PDE1C: variants seen among roughly 807,000 people sequenced by gnomAD.
PDE1C encodes the protein phosphodiesterase 1C.
A neutral mutation model predicts 93.1 loss-of-function variants in PDE1C; 62 were observed. The observed-to-expected ratio is 0.67, with a 90% CI of 0.54 to 0.82. The LOEUF (loss-of-function observed/expected upper bound fraction) is 0.82. PDE1C is among the 40% of genes least tolerant of loss of function. PDE1C has a pLI of 0.00. For missense variants in PDE1C, 742 were observed against 884.6 expected, an observed-to-expected ratio of 0.84 and a Z score of 2.04; for synonymous variants, 325 against 310.1, an observed-to-expected ratio of 1.05 and a Z score of -0.50.
intron 2 of PDE1C, among the ~76,000 whole-genome samples, chr7:32,205,041 A>G (rs1338194200): frequency 6.6e-6 from 1 of 152,232 alleles, no homozygotes; most frequent in Non-Finnish European, 1.5e-5. Context: ...CTGAAAACTC[A>G]AGGTAATAAC....
chr7:32,247,949 G>A (rs778405444), intron 1 of PDE1C, among the ~76,000 whole-genome samples: 6 of 152,098 alleles, frequency 3.9e-5, no homozygotes, highest in Non-Finnish European at 8.8e-5. Flanking sequence ...GGGCCTCCAG[G>A]GAGGCATAGC....
intron 1 of PDE1C, among the ~76,000 whole-genome samples, chr7:32,381,534 C>A (rs1438993198): frequency 6.6e-6 from 1 of 152,156 alleles, no homozygotes; most frequent in African/African-American, 2.4e-5. Context: ...GCACCCTGGC[C>A]TCCTTACTGC....
rs199561481 is a variant in PDE1C at position 31,886,777 on chromosome 7, T to C, written c.129-5917A>G. 6.1e-3 allele frequency among the ~76,000 whole-genome samples: 840 copies of C among 138,574 alleles called. 12 individuals carry two copies. Among genetic ancestry groups the C allele is most frequent in the Admixed American group, 0.022 (300 of 13,386 alleles). The allele number at this position is 138,574 out of a possible 152,430, so 90.9% of individuals were successfully genotyped here. A position where few individuals can be genotyped will look rare whatever the true frequency, so the allele number is the denominator to read the frequency against. On this transcript the variant is annotated intron_variant, in intron 2 of 17. Coordinates refer to ENST00000396191, the MANE Select transcript of PDE1C (RefSeq NM_001191057.4). ...GAAGGCAGTGATCTATTCAGATCTA[T>C]TCAGAATAGATCTTTTCGGATCTTT...
intron 2 of PDE1C, among the ~76,000 whole-genome samples, chr7:32,194,121 C>T (rs997586033): frequency 2.0e-5 from 3 of 151,768 alleles, no homozygotes; most frequent in African/African-American, 7.3e-5. Flanking sequence ...TCACCATGTT[C>T]GCCAGGATGG....
intron 3 of PDE1C, among the ~76,000 whole-genome samples, chr7:32,132,461 A>G (rs1365384815): frequency 1.3e-5 from 2 of 152,084 alleles, no homozygotes; most frequent in Non-Finnish European, 2.9e-5. Flanking sequence ...GGAGTTCAAA[A>G]TCACCCTGGG....
At chr7:31,773,043 G>C (rs970780016) in intron 17 of PDE1C, among the ~76,000 whole-genome samples, 1 of 152,202 alleles carries the variant, frequency 6.6e-6, no homozygotes, top group Non-Finnish European at 1.5e-5. Context: ...GTGAAAGCAT[G>C]ATTCCAGCTC....
At chr7:31,662,305 T>C in the PDE1C span, among the ~76,000 whole-genome samples, 1 of 152,218 alleles carries the variant, frequency 6.6e-6, no homozygotes. Context: ...AGGTTACTCC[T>C]GAATAGAAAA....
intron 2 of PDE1C, among the ~76,000 whole-genome samples, chr7:32,017,934 G>T (rs1362295349): frequency 6.6e-6 from 1 of 151,760 alleles, no homozygotes; most frequent in Admixed American, 6.6e-5. Flanking sequence ...AGAAAAATTA[G>T]CTGGGTATGG....
the PDE1C span, among the ~76,000 whole-genome samples, chr7:31,628,024 G>A: frequency 6.6e-6 from 1 of 152,206 alleles, no homozygotes; most frequent in Non-Finnish European, 1.5e-5. Context: ...AGGTTAATAA[G>A]AGCAGAAAGT....
chr7:31,836,723 C>T (rs1449231053), intron 11 of PDE1C, among the ~76,000 whole-genome samples: 1 of 152,150 alleles, frequency 6.6e-6, no homozygotes, highest in East Asian at 1.9e-4. Flanking sequence ...CTAGTGATTT[C>T]CTGACCCCAA....
chr7:31,887,156 C>T (rs2128892256), intron 2 of PDE1C, among the ~76,000 whole-genome samples: 1 of 152,250 alleles, frequency 6.6e-6, no homozygotes, highest in African/African-American at 2.4e-5. Context: ...AATACTCTCT[C>T]TCACATGATG....
chr7:32,370,643 G>A (rs1365604208), intron 1 of PDE1C, among the ~76,000 whole-genome samples: 1 of 151,784 alleles, frequency 6.6e-6, no homozygotes, highest in Admixed American at 6.6e-5. Context: ...GTCATGGGGT[G>A]GGGGGAAGGG....
At chr7:32,039,154 G>T (rs1791492554) in intron 2 of PDE1C, among the ~76,000 whole-genome samples, 1 of 152,092 alleles carries the variant, frequency 6.6e-6, no homozygotes, top group Admixed American at 6.5e-5. Flanking sequence ...TGTTTACCCA[G>T]CAAACAGGCA....
At chr7:31,643,869 G>A in the PDE1C span, 9 of 1,613,772 alleles carry the variant, frequency 5.6e-6, no homozygotes, top group Non-Finnish European at 7.6e-6. Flanking sequence ...GGCACTGCCT[G>A]TGTTCACTAA....
the PDE1C span, chr7:31,708,014 C>A: frequency 6.6e-6 from 1 of 152,282 alleles, no homozygotes; most frequent in South Asian, 2.1e-4. Flanking sequence ...AGTTGTGTCA[C>A]AAGTGAGTCA....
chr7:32,267,592 T>A (rs1281285423), intron 1 of PDE1C, among the ~76,000 whole-genome samples: 7 of 35,246 alleles, frequency 2.0e-4, no homozygotes, highest in African/African-American at 3.9e-4. Flanking sequence ...ACACACTCTC[T>A]CTCTCTCTCT....
At chr7:31,677,811 G>C in the PDE1C span, among the ~76,000 whole-genome samples, 1 of 152,068 alleles carries the variant, frequency 6.6e-6, no homozygotes, top group Non-Finnish European at 1.5e-5. Flanking sequence ...TAAAAACTTA[G>C]AGATACATGA....
chr7:32,347,532 TA>T (rs1232613427), intron 1 of PDE1C, among the ~76,000 whole-genome samples: 1 of 152,150 alleles, frequency 6.6e-6, no homozygotes, highest in Non-Finnish European at 1.5e-5. Context: ...GTAATTAAGG[TA>T]CCTAATCAGT....
intron 2 of PDE1C, among the ~76,000 whole-genome samples, chr7:31,972,162 T>C (rs373694879): frequency 1.3e-5 from 2 of 152,362 alleles, no homozygotes; most frequent in Non-Finnish European, 2.9e-5. Context: ...TAATTTAAAC[T>C]GTACTGGTAG....
Sources: gnomAD v4.1 joint callset for allele counts (sites outside exome capture counted in the v4.1 genomes callset) on GRCh38, gnomAD v4.1.1 for gene constraint, MANE v1.5 for transcripts, NCBI Gene and HGNC (gene_info 2026-07-23, HGNC 2026-07-21) for gene names.